Variants in SDK1 observed in about 807,000 individuals in gnomAD.
SDK1 encodes the protein protein sidekick-1.
Under a neutral mutation model 245.5 loss-of-function variants are expected in SDK1, and 157 were observed. That is an observed-to-expected ratio of 0.64 (90% CI 0.56 to 0.73). The LOEUF is 0.73. SDK1 is among the 30% of genes least tolerant of loss of function. SDK1 has a pLI of 0.00. For synonymous variants in SDK1, 1,647 were observed against 1,278.5 expected, an observed-to-expected ratio of 1.29 and a Z score of -6.15; for missense variants, 3,583 against 3,002.3, an observed-to-expected ratio of 1.19 and a Z score of -4.52.
At chr7:3,996,482 G>C (rs1220786929) in intron 14 of SDK1, among the ~76,000 whole-genome samples, 1 of 152,088 alleles carries the variant, frequency 6.6e-6, no homozygotes, top group African/African-American at 2.4e-5. Flanking sequence ...AGTAATTCTG[G>C]TTTTCCGTCC....
At chr7:3,919,986 G>A (rs1375223217) in intron 5 of SDK1, among the ~76,000 whole-genome samples, 1 of 152,134 alleles carries the variant, frequency 6.6e-6, no homozygotes. Context: ...CTCTGGGAAG[G>A]CTTTAGGGAG....
intron 34 of SDK1, among the ~76,000 whole-genome samples, chr7:4,177,416 G>A (rs570438719): frequency 1.3e-5 from 2 of 152,314 alleles, no homozygotes; most frequent in South Asian, 2.1e-4. Context: ...TGCGGAGCTG[G>A]TGCTTGGCCC....
chr7:4,259,437 A>AAAAT (rs914421779), intron 44 of SDK1, among the ~76,000 whole-genome samples: 1 of 152,204 alleles, frequency 6.6e-6, no homozygotes, highest in East Asian at 1.9e-4. Context: ...CTCTGTCTCA[A>AAAAT]AAATAAATAA....
chr7:3,436,100 A>G (rs1033444736), intron 1 of SDK1, among the ~76,000 whole-genome samples: 1 of 152,244 alleles, frequency 6.6e-6, no homozygotes, highest in African/African-American at 2.4e-5. Context: ...TTTATTTTCA[A>G]TATAATATGG....
At chr7:4,202,235 A>G (rs904501821) in intron 35 of SDK1, among the ~76,000 whole-genome samples, 27 of 152,270 alleles carry the variant, frequency 1.8e-4, no homozygotes, top group African/African-American at 4.8e-4. Context: ...CCTGTCCCTC[A>G]GCCCAAGGCC....
intron 1 of SDK1, among the ~76,000 whole-genome samples, chr7:3,332,841 A>G (rs1280556163): frequency 6.6e-6 from 1 of 152,190 alleles, no homozygotes; most frequent in Admixed American, 6.5e-5. Context: ...TGTGATTCTC[A>G]TTATGTTAAA....
intron 1 of SDK1, among the ~76,000 whole-genome samples, chr7:3,470,038 T>C (rs921592052): frequency 1.3e-5 from 2 of 152,180 alleles, no homozygotes; most frequent in Admixed American, 1.3e-4. Flanking sequence ...TTTTCTTTCA[T>C]TCATTTTTCC....
At chr7:3,680,062 A>T (rs1332377769) in intron 4 of SDK1, among the ~76,000 whole-genome samples, 1 of 152,202 alleles carries the variant, frequency 6.6e-6, no homozygotes, top group Non-Finnish European at 1.5e-5. Context: ...GAAAGAGTAA[A>T]CAAGCCGTGG....
Position 4,067,858 on chromosome 7 carries a change from C to A in SDK1, c.2932C>A (p.Leu978Met). ...GGTAGAACCAGGAGCTGTGGGACAT[C>A]TGAGTTTCACAGAGATCTTGGACAC... is the stretch of plus-strand genomic sequence containing the variant. The part of the protein sequence containing the change: ...QEDKPGAVGH[L>M]SFTEILDTSL... Residue 978 changes from leucine to methionine, a missense_variant, in exon 20 of 45, where the codon CTG becomes ATG. Transcript: ENST00000404826. 2 of 1,613,030 alleles carry A rather than the reference C, an allele frequency of 1.2e-6. No individual in the cohort carries two copies. Among genetic ancestry groups the A allele is most frequent in the Non-Finnish European group, 1.7e-6 (2 of 1,179,606 alleles).
At chr7:3,738,135 G>A (rs73304220) in intron 4 of SDK1, among the ~76,000 whole-genome samples, 1,535 of 152,248 alleles carry the variant, frequency 0.01, 18 homozygotes, top group African/African-American at 0.035. Flanking sequence ...ATCCAACATC[G>A]TGAATCTTCT....
intron 44 of SDK1, among the ~76,000 whole-genome samples, chr7:4,248,410 TACAC>T (rs1221113230): frequency 2.0e-5 from 3 of 151,138 alleles, no homozygotes; most frequent in East Asian, 1.9e-4. Context: ...TATGTACACA[TACAC>T]ACATGCACAC....
intron 9 of SDK1, among the ~76,000 whole-genome samples, chr7:3,964,991 A>G (rs763529045): frequency 3.3e-5 from 5 of 152,228 alleles, no homozygotes; most frequent in Non-Finnish European, 5.9e-5. Flanking sequence ...TTGATTGATT[A>G]GAATTATTTG....
At chr7:3,940,305 C>T (rs977347613) in intron 5 of SDK1, among the ~76,000 whole-genome samples, 2 of 152,262 alleles carry the variant, frequency 1.3e-5, no homozygotes, top group Non-Finnish European at 2.9e-5. Context: ...CAGTGAAACC[C>T]TGCTTGGTGG....
At chr7:4,091,887 T>C (rs1237951481) in intron 22 of SDK1, among the ~76,000 whole-genome samples, 1 of 152,154 alleles carries the variant, frequency 6.6e-6, no homozygotes, top group African/African-American at 2.4e-5. Context: ...CACGTTCTTC[T>C]GGGGAACTCC....
At position 4,204,655 on chromosome 7, in the gene SDK1, G is replaced by A. The variant is rs111637973; in HGVS notation, c.5099-1224G>A. 1.2e-3 allele frequency among the ~76,000 whole-genome samples: 181 copies of A among 152,258 alleles called. 1 individual carries two copies. The highest frequency in any genetic ancestry group is 7.6e-3 in the East Asian group (39 of 5,162). On this transcript the variant is annotated intron_variant, in intron 35 of 44. Coordinates refer to ENST00000404826, the MANE Select transcript of SDK1 (RefSeq NM_152744.4). ...GTTTTATCGTCTCCATCGATGGTCC[G>A]TAAAGACACTCAGTCAAAAGGCTGC... is the stretch of plus-strand genomic sequence containing the variant.
intron 1 of SDK1, among the ~76,000 whole-genome samples, chr7:3,587,156 C>T (rs559246917): frequency 2.0e-5 from 3 of 152,040 alleles, no homozygotes; most frequent in East Asian, 3.9e-4. Flanking sequence ...CTGCTGTGGA[C>T]CTAGGGAAAA....
At chr7:3,670,008 C>T (rs1050020242) in intron 4 of SDK1, among the ~76,000 whole-genome samples, 1 of 152,188 alleles carries the variant, frequency 6.6e-6, no homozygotes, top group African/African-American at 2.4e-5. Flanking sequence ...TCCAGTCAAT[C>T]ACCAGTTTCT....
intron 1 of SDK1, among the ~76,000 whole-genome samples, chr7:3,302,748 C>T (rs953059955): frequency 2.0e-5 from 3 of 151,994 alleles, no homozygotes; most frequent in Non-Finnish European, 4.4e-5. Context: ...CCTTTGGTAA[C>T]GTCTTTAAAA....
chr7:4,104,370 C>T (rs1782771173), intron 22 of SDK1, among the ~76,000 whole-genome samples: 1 of 152,194 alleles, frequency 6.6e-6, no homozygotes, highest in Non-Finnish European at 1.5e-5. Flanking sequence ...CTAGAGCCTG[C>T]TTTAATAAAC....
Sources: gnomAD v4.1 joint callset for allele counts (sites outside exome capture counted in the v4.1 genomes callset) on GRCh38, gnomAD v4.1.1 for gene constraint, MANE v1.5 for transcripts, NCBI Gene and HGNC (gene_info 2026-07-23, HGNC 2026-07-21) for gene names.